The following PHYKPL variants were observed in gnomAD, a reference collection of about 807,000 sequenced individuals.
PHYKPL encodes the protein 5-phosphonooxy-L-lysine phospho-lyase.
PHYKPL carries 42 observed loss-of-function variants against 51.3 expected under a neutral mutation model. The observed-to-expected ratio is 0.82, with a 90% CI of 0.64 to 1.06. PHYKPL has a LOEUF of 1.06. Ranked by LOEUF, PHYKPL falls within the 50% of genes least tolerant of loss-of-function variation. The pLI is 0.00. For missense variants in PHYKPL, 655 were observed against 586.6 expected (o/e 1.12, Z -1.20); for synonymous variants, 264 against 236.0 (o/e 1.12, Z -1.09).
At chr5:178,232,152 T>G in intron 1 of PHYKPL, 2 of 1,199,646 alleles carry the variant, frequency 1.7e-6, no homozygotes, top group Non-Finnish European at 2.1e-6. Flanking sequence ...TGAGGTCCTC[T>G]CAGGCGCCAG....
In PHYKPL at chr5:178,225,366, C is replaced by T; in HGVS notation, c.402G>A (p.Val134=). ...ARHYTGHQDV[V]VLDHAYHGHL... ...TGAGTTGCACTTACTGATCTAATACCACCACGTCCTGGTGTCCCGTGTAGT... is the reference window on the plus strand; with the variant it reads ...TGAGTTGCACTTACTGATCTAATACTACCACGTCCTGGTGTCCCGTGTAGT... Residue 134 remains valine, a synonymous_variant, in exon 4 of 13, where the codon GTG becomes GTA. Coordinates refer to ENST00000308158, the MANE Select transcript of PHYKPL (RefSeq NM_153373.4). 6.2e-7 allele frequency: 1 copy of T among 1,614,180 alleles called. No homozygotes were observed.
chr5:178,210,444 C>T (rs1581185401), intron 12 of PHYKPL: 4 of 1,496,848 alleles, frequency 2.7e-6, no homozygotes, highest in African/African-American at 2.8e-5. Context: ...ATGAGGAAGG[C>T]AGTCTCTGCT....
At position 178,211,962 on chromosome 5, in the gene PHYKPL, C is replaced by T; in HGVS notation, c.1312G>A (p.Glu438Lys). ...KLDAILTDME[E>K]KVRSCETLRL... ...AGCGTTTCACAACTTCTCACCTTCT[C>T]TTCCATGTCTGAAAAAGACCACAAA... The change falls in exon 12 of 13, where the codon GAG (glutamate) becomes AAG (lysine). Residue 438 changes from glutamate to lysine, a missense_variant. Physicochemically the swap from Glu to Lys is moderately conservative, Grantham distance 56. Coordinates refer to ENST00000308158, the MANE Select transcript of PHYKPL (RefSeq NM_153373.4). 2 of 1,614,212 alleles carry T rather than the reference C, an allele frequency of 1.2e-6. No individual in the cohort carries two copies. Among genetic ancestry groups the T allele is most frequent in the Non-Finnish European group, 1.7e-6 (2 of 1,180,038 alleles).
intron 1 of PHYKPL, chr5:178,231,900 G>A: frequency 1.5e-6 from 2 of 1,307,070 alleles, no homozygotes; most frequent in Non-Finnish European, 2.0e-6. Flanking sequence ...CCAACATTAG[G>A]TGCCTGGCTC....
intron 3 of PHYKPL, among the ~76,000 whole-genome samples, chr5:178,227,956 A>G (rs934538720): frequency 6.6e-6 from 1 of 152,162 alleles, no homozygotes; most frequent in East Asian, 1.9e-4. Flanking sequence ...GATGCCCTTT[A>G]CAAGGCAAGA....
chr5:178,207,869 A>G (rs1370444339), downstream of PHYKPL, among the ~76,000 whole-genome samples: 1 of 151,684 alleles, frequency 6.6e-6, no homozygotes, highest in Non-Finnish European at 1.5e-5. Flanking sequence ...TGCCTGGCTC[A>G]TATGTTTTTT....
chr5:178,210,493 G>A (rs938319050), intron 12 of PHYKPL: 1 of 1,545,214 alleles, frequency 6.5e-7, no homozygotes, highest in Non-Finnish European at 8.9e-7. Context: ...TGCATATCAA[G>A]CGCGTGGCAC....
At chr5:178,209,447 G>C in intron 12 of PHYKPL, 1 of 1,613,420 alleles carries the variant, frequency 6.2e-7, no homozygotes, top group Non-Finnish European at 8.5e-7. Flanking sequence ...TGGAGGTGGA[G>C]GTGAGTGGAA....
chr5:178,212,058 GTT>G (rs892407173), intron 11 of PHYKPL, 88 bp from the exon 12 acceptor site: 1 of 1,438,840 alleles, frequency 7.0e-7, no homozygotes, highest in African/African-American at 1.4e-5. Flanking sequence ...CTGGAGGACA[GTT>G]TAGAGATTGG....
In PHYKPL at chr5:178,232,662, C is replaced by G; in HGVS notation, c.-112G>C. On this transcript the variant is annotated 5_prime_UTR_variant, in exon 1 of 13. Coordinates refer to ENST00000308158, the MANE Select transcript of PHYKPL (RefSeq NM_153373.4). Reference sequence around the variant, plus strand: ...CCCCTGCCTGGGTCGGGATTTGGGGCTCAGGTTCGCACTCGGCCCCGCCCC... The same window carrying G: ...CCCCTGCCTGGGTCGGGATTTGGGGGTCAGGTTCGCACTCGGCCCCGCCCC... 8.6e-7 allele frequency: 1 copy of G among 1,167,954 alleles called. No homozygotes were observed. The allele number at this position is 1,167,954 out of a possible 1,614,324, so 72.3% of individuals were successfully genotyped here.
intron 11 of PHYKPL, 42 bp downstream of exon 11, chr5:178,212,931 C>T: frequency 1.2e-6 from 2 of 1,607,220 alleles, no homozygotes. Flanking sequence ...TGGCTTCAGG[C>T]TGAGTTCTAG....
chr5:178,222,694 T>G, intron 7 of PHYKPL, 114 bp from the exon 8 acceptor site: 2 of 1,362,834 alleles, frequency 1.5e-6, no homozygotes, highest in Non-Finnish European at 2.0e-6. Context: ...GTGGGGACCT[T>G]GGGCAATGGC....
At chr5:178,221,671 G>A (rs1250721105) in intron 8 of PHYKPL, among the ~76,000 whole-genome samples, 1 of 152,074 alleles carries the variant, frequency 6.6e-6, no homozygotes, top group South Asian at 2.1e-4. Context: ...TCAACCCTCT[G>A]TCCCTGCCCT....
chr5:178,211,744 G>GTGT lies in PHYKPL; in HGVS notation c.*31+143_*31+145dup, dbSNP rs1001187789. 4.9e-6 allele frequency: 3 copies of GTGT among 614,264 alleles called. No individual in the cohort carries two copies. In the Admixed American group the frequency reaches 8.7e-5, roughly 18 times the overall value. The allele number at this position is 614,264 out of a possible 1,614,324, so 38.1% of individuals were successfully genotyped here. A position where few individuals can be genotyped will look rare whatever the true frequency, so the allele number is the denominator to read the frequency against. ...CAAGCTAAGCATTGGAGAATTTCCA[G>GTGT]TGTTGAAGAAACTAACCTTTGGGAA... On this transcript the variant is annotated intron_variant, in intron 12 of 12. Transcript: ENST00000308158.
intron 12 of PHYKPL, chr5:178,210,057 G>C: frequency 1.9e-6 from 3 of 1,577,914 alleles, no homozygotes; most frequent in Non-Finnish European, 2.6e-6. Flanking sequence ...CACCCCAAAG[G>C]GCAGGATTTC....
At chr5:178,213,995 C>T in intron 10 of PHYKPL, among the ~76,000 whole-genome samples, 1 of 152,156 alleles carries the variant, frequency 6.6e-6, no homozygotes, top group Non-Finnish European at 1.5e-5. Context: ...GCCACCTGAC[C>T]ATTCCGAATC....
At chr5:178,214,739 A>AG (rs1759395942) in intron 10 of PHYKPL, 57 bp downstream of exon 10, 1 of 1,501,448 alleles carries the variant, frequency 6.7e-7, no homozygotes, top group South Asian at 1.1e-5. Flanking sequence ...GGCCCTGCAA[A>AG]GAGGTACCTG....
intron 2 of PHYKPL, 53 bp from the exon 3 acceptor site, chr5:178,230,152 T>C: frequency 3.7e-6 from 6 of 1,604,808 alleles, no homozygotes; most frequent in Non-Finnish European, 5.1e-6. Flanking sequence ...CCAGTCCCAC[T>C]GGGCCTCCCC....
rs1763066465 is a variant in PHYKPL, at chr5:178,230,041, G to A, written c.237C>T (p.Asn79=). The stretch of plus-strand genomic sequence containing the variant: ...TGTCATGCAGGTACCGGCTGTTGGT[G>A]TTGAGCACCTGGTTCTGCTCATGTG... ...QAAHEQNQVL[N]TNSRYLHDNI... Residue 79 remains asparagine (N), a synonymous_variant, in exon 3 of 13, where the codon AAC becomes AAT. Transcript: ENST00000308158. 1 of 1,614,204 alleles carries A rather than the reference G, an allele frequency of 6.2e-7. No homozygotes were observed. The highest frequency in any genetic ancestry group is 8.5e-7 in the Non-Finnish European group (1 of 1,180,038).
Sources: gnomAD v4.1 joint callset for allele counts (sites outside exome capture counted in the v4.1 genomes callset) on GRCh38, gnomAD v4.1.1 for gene constraint, MANE v1.5 for transcripts, NCBI Gene and HGNC (gene_info 2026-07-23, HGNC 2026-07-21) for gene names.